UBE3A: variants seen among roughly 807,000 people sequenced by gnomAD.
The protein encoded by UBE3A is ubiquitin-protein ligase E3A.
In UBE3A, 6 loss-of-function variants were observed where a neutral mutation model predicts 83.4. The observed-to-expected ratio is 0.07, with a 90% CI of 0.04 to 0.14. UBE3A has a LOEUF of 0.14. Ranked by LOEUF, UBE3A falls within the 10% of genes least tolerant of loss-of-function variation. The probability of loss-of-function intolerance (pLI) is 1.00; values close to 1 mark genes in which losing one functional copy is unlikely to be tolerated. For missense variants in UBE3A, 456 were observed against 1,036.1 expected, an observed-to-expected ratio of 0.44 and a Z score of 7.69; for synonymous variants, 337 against 355.4, an observed-to-expected ratio of 0.95 and a Z score of 0.58.
At chr15:25,427,616 A>C (rs1366409761) in intron 1 of UBE3A, among the ~76,000 whole-genome samples, 2 of 147,336 alleles carry the variant, frequency 1.4e-5, no homozygotes, top group East Asian at 2.0e-4. Context: ...AAAAAAAAAA[A>C]AAAAAAAAAA....
intron 4 of UBE3A, among the ~76,000 whole-genome samples, chr15:25,401,882 T>C (rs769947126): frequency 3.3e-5 from 5 of 152,352 alleles, no homozygotes; most frequent in Non-Finnish European, 5.9e-5. Flanking sequence ...CATTTTCAGC[T>C]TCAGAATTTG....
chr15:25,338,757 T>TTAAA lies in UBE3A; in HGVS notation c.*376_*379dup, dbSNP rs1248295442. 2 of 152,916 alleles carry TTAAA rather than the reference T, an allele frequency of 1.3e-5. No homozygotes were observed. The highest frequency in any genetic ancestry group is 2.9e-5 in the Non-Finnish European group (2 of 68,672). 9.5% of individuals were successfully genotyped at this position (152,916 alleles called of 1,614,324 possible). On this transcript the variant is annotated 3_prime_UTR_variant, in exon 13 of 13. Coordinates refer to ENST00000648336, the MANE Select transcript of UBE3A (RefSeq NM_130839.5). ...GAGTAGTTCTGTTGGTATATATTTT[T>TTAAA]TAAATACTCAAAAGGCTCAACCTCA...
Position 25,334,745 on chromosome 15 carries a change from A to T in UBE3A, c.*4392T>A, listed in dbSNP as rs772950131. 1 of 152,246 alleles carries T rather than the reference A, an allele frequency of 6.6e-6. No individual in the cohort carries two copies. The highest frequency in any genetic ancestry group is 1.5e-5 in the Non-Finnish European group (1 of 68,058). The allele number at this position is 152,246 out of a possible 1,614,324, so 9.4% of individuals were successfully genotyped here. A position where few individuals can be genotyped will look rare whatever the true frequency, so the allele number is the denominator to read the frequency against. ...TAAGACTGAGAATCCAGAAAGTCTT[A>T]TATTTATGGTCAACTGTTCTTTGAC... On this transcript the variant is annotated 3_prime_UTR_variant, in exon 13 of 13. Transcript: ENST00000648336.
At chr15:25,354,958 TTC>T (rs1173318687) in intron 9 of UBE3A, among the ~76,000 whole-genome samples, 7 of 152,116 alleles carry the variant, frequency 4.6e-5, no homozygotes, top group Admixed American at 1.3e-4. Context: ...AATTTCACAA[TTC>T]TCTGTTACAG....
At chr15:25,418,147 A>G (rs1009964685) in intron 1 of UBE3A, 2 of 152,186 alleles carry the variant, frequency 1.3e-5, no homozygotes, top group Admixed American at 6.5e-5. Context: ...AAACCTAGAA[A>G]AGGTACAGTG....
At position 25,401,327 on chromosome 15, in the gene UBE3A, T is replaced by G. The variant is rs549440016; in HGVS notation, c.62+4134A>C. ...GTAATGCTCATCTCCCAAAATGAGT[T>G]TGAAATTACTCCCTCTTCTTAAATT... is the stretch of plus-strand genomic sequence containing the variant. On this transcript the variant is annotated intron_variant, in intron 4 of 12. Coordinates refer to ENST00000648336, the MANE Select transcript of UBE3A (RefSeq NM_130839.5). Among the ~76,000 whole-genome samples the G allele has an allele frequency of 6.6e-5, 10 of 152,306 alleles. No individual in the cohort carries two copies. The South Asian group carries it at 2.1e-3, about 32-fold the overall frequency.
In UBE3A at chr15:25,367,769, C is replaced by A. The variant is rs181930545; in HGVS notation, c.1608+2797G>T. Among the ~76,000 whole-genome samples the A allele has an allele frequency of 4.3e-3, 655 of 151,940 alleles. 5 individuals carry two copies. The highest frequency in any genetic ancestry group is 0.015 in the African/African-American group (619 of 41,494). On this transcript the variant is annotated intron_variant, in intron 6 of 12. Transcript: ENST00000648336. ...CATCAAAGACAATTTCTCTAAAAAC[C>A]TCAGGAAAAAAGCTGCTAGTCTGGT...
intron 4 of UBE3A, among the ~76,000 whole-genome samples, chr15:25,398,812 TATAAAA>T (rs1567069074): frequency 8.6e-5 from 6 of 69,444 alleles, no homozygotes; most frequent in South Asian, 1.2e-3. Flanking sequence ...TATATATATA[TATAAAA>T]ATACATATAT....
At chr15:25,399,317 T>C (rs996712302) in intron 4 of UBE3A, among the ~76,000 whole-genome samples, 8 of 152,212 alleles carry the variant, frequency 5.3e-5, no homozygotes, top group African/African-American at 1.7e-4. Context: ...TACTTTATTC[T>C]GGTAGTTCTA....
intron 4 of UBE3A, chr15:25,393,994 G>C (rs1476333607): frequency 1.3e-5 from 2 of 152,160 alleles, no homozygotes; most frequent in Admixed American, 1.3e-4. Flanking sequence ...GACTTGTTCT[G>C]CTGTCTTCTC....
chr15:25,363,971 T>C (rs552389374), intron 6 of UBE3A, among the ~76,000 whole-genome samples: 20 of 151,750 alleles, frequency 1.3e-4, no homozygotes, highest in African/African-American at 4.3e-4. Context: ...GCAGGCAGAT[T>C]GCCTGAGCCC....
At chr15:25,427,795 G>A (rs1596470065) in intron 1 of UBE3A, among the ~76,000 whole-genome samples, 2 of 77,406 alleles carry the variant, frequency 2.6e-5, no homozygotes, top group African/African-American at 5.2e-5. Flanking sequence ...CTGTCTCCTG[G>A]AAAAAAAAAA....
intron 4 of UBE3A, among the ~76,000 whole-genome samples, chr15:25,378,239 A>G (rs1415215700): frequency 2.6e-5 from 4 of 152,156 alleles, no homozygotes; most frequent in Non-Finnish European, 5.9e-5. Flanking sequence ...TCAGATACAT[A>G]GTACTTCTTT....
intron 4 of UBE3A, among the ~76,000 whole-genome samples, chr15:25,398,067 G>A (rs2085981197): frequency 6.6e-6 from 1 of 150,678 alleles, no homozygotes; most frequent in African/African-American, 2.5e-5. Context: ...TATTTGGGAG[G>A]CTGAGGCAGG....
At chr15:25,355,373 A>T (rs1458674417) in intron 9 of UBE3A, among the ~76,000 whole-genome samples, 3 of 152,100 alleles carry the variant, frequency 2.0e-5, no homozygotes, top group Non-Finnish European at 4.4e-5. Context: ...CAATATAAAC[A>T]TGTTTCTTAA....
At chr15:25,357,757 CATAAACCTGG>C (rs1397202690) in intron 7 of UBE3A, among the ~76,000 whole-genome samples, 2 of 152,154 alleles carry the variant, frequency 1.3e-5, no homozygotes, top group African/African-American at 4.8e-5. Context: ...ATCTGAAATA[CATAAACCTGG>C]ATAAATCTGA....
intron 5 of UBE3A, among the ~76,000 whole-genome samples, chr15:25,373,226 C>T (rs2080603167): frequency 6.6e-6 from 1 of 152,150 alleles, no homozygotes; most frequent in Admixed American, 6.5e-5. Context: ...ATGCAAAACT[C>T]CTAATTTCCT....
chr15:25,421,171 G>A (rs1043412668), intron 1 of UBE3A, among the ~76,000 whole-genome samples: 2 of 152,118 alleles, frequency 1.3e-5, no homozygotes, highest in African/African-American at 2.4e-5. Context: ...GAGTGAGTTC[G>A]CAGATGTGGT....
rs776279432 is a variant in UBE3A at position 25,438,876 on chromosome 15, G to C, written c.-552C>G. ...GCCCGCGCTGGCGGATGGCTACGCGGCGGAGGGGTGCGCGAGCGAGCGAAG... is the reference window on the plus strand; with the variant it reads ...GCCCGCGCTGGCGGATGGCTACGCGCCGGAGGGGTGCGCGAGCGAGCGAAG... On this transcript the variant is annotated 5_prime_UTR_variant, in exon 1 of 13. Transcript: ENST00000648336. 1 of 152,888 alleles carries C rather than the reference G, an allele frequency of 6.5e-6. No individual in the cohort carries two copies. Among genetic ancestry groups the C allele is most frequent in the African/African-American group, 2.4e-5 (1 of 41,474 alleles). 9.5% of individuals were successfully genotyped at this position (152,888 alleles called of 1,614,324 possible). A position where few individuals can be genotyped will look rare whatever the true frequency, so the allele number is the denominator to read the frequency against.
Sources: gnomAD v4.1 joint callset for allele counts (sites outside exome capture counted in the v4.1 genomes callset) on GRCh38, gnomAD v4.1.1 for gene constraint, MANE v1.5 for transcripts, NCBI Gene and HGNC (gene_info 2026-07-23, HGNC 2026-07-21) for gene names.